TOX2: variants seen among roughly 807,000 people sequenced by gnomAD.
TOX2 encodes the protein TOX high mobility group box family member 2, also known as granulosa cell HMG box 1.
Under a neutral mutation model 47.4 loss-of-function variants are expected in TOX2, and 15 were observed. The ratio of observed to expected loss-of-function variants is 0.32; its 90% CI spans 0.21 to 0.49. The LOEUF (loss-of-function observed/expected upper bound fraction) is 0.49, where lower values mean the gene tolerates loss of function less well. Ranked by LOEUF, TOX2 falls within the 20% of genes least tolerant of loss-of-function variation. The pLI is 0.99. For missense variants in TOX2, 622 were observed against 673.1 expected, an observed-to-expected ratio of 0.92 and a Z score of 0.84; for synonymous variants, 290 against 296.6, an observed-to-expected ratio of 0.98 and a Z score of 0.23.
At chr20:43,958,927 T>A (rs2069712412) in intron 1 of TOX2, among the ~76,000 whole-genome samples, 1 of 152,192 alleles carries the variant, frequency 6.6e-6, no homozygotes, top group Non-Finnish European at 1.5e-5. Context: ...TGAAGATGAA[T>A]TAGAATAACT....
intron 2 of TOX2, among the ~76,000 whole-genome samples, chr20:43,989,632 T>C (rs2070332892): frequency 6.6e-6 from 1 of 151,776 alleles, no homozygotes; most frequent in Non-Finnish European, 1.5e-5. Flanking sequence ...ATACAAAAAT[T>C]AGCTGGGCAT....
At chr20:44,059,984 A>G (rs1445806947) in intron 5 of TOX2, among the ~76,000 whole-genome samples, 1 of 152,164 alleles carries the variant, frequency 6.6e-6, no homozygotes, top group Non-Finnish European at 1.5e-5. Context: ...TAATTGACCA[A>G]CTGAGTATCT....
At chr20:44,003,946 G>T (rs2070632987) in intron 2 of TOX2, among the ~76,000 whole-genome samples, 1 of 152,188 alleles carries the variant, frequency 6.6e-6, no homozygotes, top group Non-Finnish European at 1.5e-5. Context: ...TGATCATCTT[G>T]ACAGAGACCA....
At chr20:43,968,360 T>C (rs2069898268) in intron 1 of TOX2, among the ~76,000 whole-genome samples, 1 of 152,258 alleles carries the variant, frequency 6.6e-6, no homozygotes, top group South Asian at 2.1e-4. Flanking sequence ...CAGATGGACC[T>C]GGGATCTGAC....
At chr20:44,033,402 C>T (rs1407411155) in intron 3 of TOX2, among the ~76,000 whole-genome samples, 2 of 152,162 alleles carry the variant, frequency 1.3e-5, no homozygotes, top group African/African-American at 4.8e-5. Context: ...CTGAATCATG[C>T]CCCACCAGAT....
chr20:43,946,482 G>T (rs926968936), intron 1 of TOX2, among the ~76,000 whole-genome samples: 1 of 152,166 alleles, frequency 6.6e-6, no homozygotes, highest in South Asian at 2.1e-4. Context: ...AGGCAAGACG[G>T]GTGAGAAGCA....
At position 44,026,204 on chromosome 20, in the gene TOX2, C is replaced by T. The variant is rs1428456945; in HGVS notation, c.411+19412C>T. ...ATGTGGAACCAACCCAAATGCCCAT[C>T]GATCGAGTGGATAAAGAAACTGTGA... On this transcript the variant is annotated intron_variant, in intron 3 of 8. Coordinates refer to ENST00000341197, the MANE Select transcript of TOX2 (RefSeq NM_001098797.2). Among the ~76,000 whole-genome samples, 11 of 113,250 alleles carry T rather than the reference C, an allele frequency of 9.7e-5. No homozygotes were observed. The Admixed American group carries it at 9.8e-4, about 10-fold the overall frequency. The allele number at this position is 113,250 out of a possible 152,430, so 74.3% of individuals were successfully genotyped here.
At chr20:43,963,639 G>C (rs12626167) in intron 1 of TOX2, among the ~76,000 whole-genome samples, 3 of 152,106 alleles carry the variant, frequency 2.0e-5, no homozygotes. Context: ...GGCAGAATAC[G>C]AATGTGCGTT....
intron 2 of TOX2, among the ~76,000 whole-genome samples, chr20:44,000,871 A>G (rs2070567601): frequency 6.6e-6 from 1 of 152,080 alleles, no homozygotes; most frequent in Admixed American, 6.5e-5. Flanking sequence ...AGGGAGGAGG[A>G]TGAACTAATT....
At chr20:44,049,873 T>G (rs986635163) in intron 3 of TOX2, among the ~76,000 whole-genome samples, 1 of 152,232 alleles carries the variant, frequency 6.6e-6, no homozygotes, top group African/African-American at 2.4e-5. Context: ...GTACCACATT[T>G]TCTTTCAGTC....
chr20:44,014,128 C>CAAAAAAA (rs55721806), intron 3 of TOX2, among the ~76,000 whole-genome samples: 5 of 53,564 alleles, frequency 9.3e-5, no homozygotes, highest in East Asian at 1.4e-3. Flanking sequence ...GAGACTATCT[C>CAAAAAAA]AAAAAAAAAA....
In TOX2 at chr20:44,051,388, C is replaced by T; in HGVS notation, c.494C>T (p.Ala165Val). The T allele has an allele frequency of 6.2e-7, 1 of 1,614,014 alleles. No individual in the cohort carries two copies. Among genetic ancestry groups the T allele is most frequent in the Non-Finnish European group, 8.5e-7 (1 of 1,179,958 alleles). ...CTGCTGGGTCGCCCGGCAATGCTGGCCAGCCACATGAGTGCCCTCAGCCAG... is the reference window on the plus strand; with the variant it reads ...CTGCTGGGTCGCCCGGCAATGCTGGTCAGCCACATGAGTGCCCTCAGCCAG... ...GPLLGRPAMLASHMSALSQSQ... is the reference protein window; with the variant it reads ...GPLLGRPAMLVSHMSALSQSQ... Residue 165 changes from alanine (A) to valine (V), a missense_variant, in exon 4 of 9, where the codon GCC becomes GTC. Ala to Val is a moderately conservative substitution (Grantham distance 64). Coordinates refer to ENST00000341197, the MANE Select transcript of TOX2 (RefSeq NM_001098797.2).
chr20:43,950,382 G>A (rs2069541510), intron 1 of TOX2, among the ~76,000 whole-genome samples: 1 of 152,162 alleles, frequency 6.6e-6, no homozygotes, highest in African/African-American at 2.4e-5. Context: ...CATCAGATAA[G>A]GCCGGTGGAA....
intron 1 of TOX2, among the ~76,000 whole-genome samples, chr20:43,968,642 C>A (rs1175543359): frequency 6.6e-6 from 1 of 152,130 alleles, no homozygotes; most frequent in Non-Finnish European, 1.5e-5. Flanking sequence ...TTTCAGATTC[C>A]AAAACTCATT....
chr20:43,980,694 C>T (rs2070154899), intron 2 of TOX2, among the ~76,000 whole-genome samples: 1 of 152,014 alleles, frequency 6.6e-6, no homozygotes, highest in Non-Finnish European at 1.5e-5. Flanking sequence ...AACATTTAAA[C>T]ATACTCAAGG....
intron 2 of TOX2, among the ~76,000 whole-genome samples, chr20:43,992,863 A>AAAAG (rs2070394221): frequency 6.7e-6 from 1 of 149,916 alleles, no homozygotes. Flanking sequence ...AAAAAAAAAA[A>AAAAG]AAAGAAAAAA....
intron 2 of TOX2, among the ~76,000 whole-genome samples, chr20:43,997,906 T>C (rs1407005726): frequency 6.6e-6 from 1 of 152,222 alleles, no homozygotes; most frequent in East Asian, 1.9e-4. Context: ...CCATTTTTTT[T>C]TCTGCTCGTT....
chr20:43,995,653 C>G (rs1410412862), intron 2 of TOX2, among the ~76,000 whole-genome samples: 1 of 152,132 alleles, frequency 6.6e-6, no homozygotes, highest in African/African-American at 2.4e-5. Flanking sequence ...ATTTTTTCTG[C>G]TCCTCTCCCT....
intron 2 of TOX2, among the ~76,000 whole-genome samples, chr20:44,000,915 G>A (rs917806032): frequency 6.6e-5 from 10 of 152,044 alleles, no homozygotes; most frequent in African/African-American, 2.4e-4. Context: ...CAAGATGAAG[G>A]CCAGATGAAG....
Sources: allele counts gnomAD v4.1 joint callset (sites outside exome capture counted in the v4.1 genomes callset), GRCh38; gene constraint gnomAD v4.1.1; transcripts MANE v1.5; gene names NCBI Gene and HGNC (gene_info 2026-07-23, HGNC 2026-07-21).